The following CCNB3 variants were observed in gnomAD, a reference collection of about 807,000 sequenced individuals.
CCNB3 encodes G2/mitotic-specific cyclin-B3.
Under a neutral mutation model 68.0 loss-of-function variants are expected in CCNB3, and 12 were observed. The observed-to-expected ratio is 0.18, with a 90% confidence interval of 0.11 to 0.29. The LOEUF (loss-of-function observed/expected upper bound fraction) is 0.29, where lower values mean the gene tolerates loss of function less well. CCNB3 is among the 10% of genes least tolerant of loss of function. CCNB3 has a pLI of 1.00. For missense variants in CCNB3, 904 were observed against 993.1 expected (o/e 0.91, Z 1.21); for synonymous variants, 354 against 388.9 (o/e 0.91, Z 1.06).
chrX:50,222,672 C>T (rs1018879129), intron 1 of CCNB3, among the ~76,000 whole-genome samples: 1 of 111,286 alleles, frequency 9.0e-6, no homozygotes, highest in East Asian at 2.8e-4. Context: ...GTGGGTAACC[C>T]GACCTTTCTC....
intron 1 of CCNB3, among the ~76,000 whole-genome samples, chrX:50,217,843 C>T (rs1020257283): frequency 2.7e-5 from 3 of 111,648 alleles, no homozygotes; most frequent in East Asian, 5.6e-4. Flanking sequence ...ATCCTGTTTA[C>T]GATTTGCTTA....
intron 1 of CCNB3, among the ~76,000 whole-genome samples, chrX:50,279,224 A>G (rs1936023362): frequency 3.1e-5 from 2 of 65,390 alleles, no homozygotes; most frequent in African/African-American, 7.0e-5. Flanking sequence ...ATATATTCAT[A>G]TATAAATATA....
chrX:50,280,789 TCA>T (rs1222077460), intron 1 of CCNB3, among the ~76,000 whole-genome samples: 31 of 110,982 alleles, frequency 2.8e-4, no homozygotes, highest in Middle Eastern at 9.3e-3. Flanking sequence ...AGACAGGGTC[TCA>T]GTCTGTCACC....
intron 9 of CCNB3, among the ~76,000 whole-genome samples, chrX:50,343,810 CAA>C (rs1232398917): frequency 2.7e-5 from 3 of 112,259 alleles, no homozygotes; most frequent in Non-Finnish European, 5.6e-5. Flanking sequence ...GCTGTTATTA[CAA>C]AAGAGTCAAA....
At chrX:50,223,480 A>T (rs1052498028) in intron 1 of CCNB3, among the ~76,000 whole-genome samples, 1 of 111,753 alleles carries the variant, frequency 8.9e-6, no homozygotes. Flanking sequence ...TGTTGACACT[A>T]TTCCTTTCTG....
chrX:50,308,956 A>G lies in CCNB3; in HGVS notation c.787A>G (p.Met263Val), dbSNP rs142543110. 6 of 1,211,201 alleles carry G rather than the reference A, an allele frequency of 5.0e-6. No homozygotes were observed. The highest frequency in any genetic ancestry group is 5.6e-6 in the Non-Finnish European group (5 of 895,026). ...DVNMEEDSFF[M>V]ESMSFKKKPK... The stretch of plus-strand genomic sequence containing the variant: ...CAATATGGAAGAGGATTCCTTCTTT[A>G]TGGAGTCAATGAGTTTTAAGAAGAA... Residue 263 changes from methionine (M) to valine (V), a missense_variant, in exon 6 of 13, where the codon ATG (methionine) becomes GTG (valine). Coordinates refer to ENST00000376042, the MANE Select transcript of CCNB3 (RefSeq NM_033031.3).
Position 50,342,217 on chromosome X carries a change from A to G in CCNB3, c.3532A>G (p.Thr1178Ala). Residue 1178 changes from threonine (T) to alanine (A), a missense_variant, in exon 9 of 13, where the codon ACC (threonine) becomes GCC (alanine). Physicochemically the swap from Thr to Ala is moderately conservative, Grantham distance 58. This residue lies in a region of CCNB3 where 285 missense variants were observed against 383.4 expected (regional missense o/e 0.74). Coordinates refer to ENST00000376042, the MANE Select transcript of CCNB3 (RefSeq NM_033031.3). ...GTTCCTCCAGGTGTCCTTTGAGATG[A>G]CCCATGAGACCCTGTACTTGGCAGT... is the stretch of plus-strand genomic sequence containing the variant. Reference protein sequence around the residue: ...LVEVQVSFEMTHETLYLAVKL... With the variant: ...LVEVQVSFEMAHETLYLAVKL... 1.3e-5 allele frequency: 16 copies of G among 1,210,366 alleles called. No homozygotes were observed. Among genetic ancestry groups the G allele is most frequent in the Non-Finnish European group, 1.8e-5 (16 of 894,845 alleles).
chrX:50,335,136 CTT>C (rs782641626), intron 8 of CCNB3, among the ~76,000 whole-genome samples: 85 of 111,830 alleles, frequency 7.6e-4, no homozygotes, highest in Non-Finnish European at 1.1e-3. Flanking sequence ...TAGCAGGAAA[CTT>C]TTGCAGGTCT....
intron 1 of CCNB3, among the ~76,000 whole-genome samples, chrX:50,226,864 A>T (rs1190143040): frequency 0.028 from 2,044 of 71,970 alleles, 195 homozygotes; most frequent in African/African-American, 0.13. Flanking sequence ...ATATATATAG[A>T]ATATATAGAA....
intron 1 of CCNB3, among the ~76,000 whole-genome samples, chrX:50,227,279 TATAA>T (rs1935884224): frequency 1.2e-5 from 1 of 84,329 alleles, no homozygotes; most frequent in African/African-American, 4.5e-5. Flanking sequence ...ACAGAATATA[TATAA>T]ATACATGTAC....
chrX:50,209,653 G>T (rs1935451352), intron 1 of CCNB3, among the ~76,000 whole-genome samples: 1 of 112,203 alleles, frequency 8.9e-6, no homozygotes, highest in African/African-American at 3.2e-5. Flanking sequence ...ACTGCGCCTG[G>T]CCCAATACTA....
chrX:50,205,815 A>C (rs1327990867), intron 1 of CCNB3, among the ~76,000 whole-genome samples: 1 of 107,720 alleles, frequency 9.3e-6, no homozygotes, highest in Non-Finnish European at 1.9e-5. Context: ...TTAGCTGGGC[A>C]TGGTGGCATG....
intron 9 of CCNB3, among the ~76,000 whole-genome samples, chrX:50,343,425 G>A (rs1018708244): frequency 8.9e-5 from 10 of 111,824 alleles, no homozygotes; most frequent in African/African-American, 1.3e-4. Context: ...AAGTAAAGCC[G>A]GGCATGGTAT....
At chrX:50,307,439 A>G (rs992629157) in intron 5 of CCNB3, among the ~76,000 whole-genome samples, 2 of 111,490 alleles carry the variant, frequency 1.8e-5, no homozygotes, top group African/African-American at 6.5e-5. Context: ...TCCAGAATGC[A>G]TGTTCTTACC....
At chrX:50,228,474 T>A (rs993552561) in intron 1 of CCNB3, among the ~76,000 whole-genome samples, 1 of 91,634 alleles carries the variant, frequency 1.1e-5, no homozygotes, top group East Asian at 3.2e-4. Flanking sequence ...GATATATCTA[T>A]ATAGAATATG....
In CCNB3 at chrX:50,310,500, C is replaced by A. The variant is rs555037561; in HGVS notation, c.2331C>A (p.Phe777Leu). The stretch of plus-strand genomic sequence containing the variant: ...ATGAGACCATCAATGAAGAGGAGTT[C>A]CTTAATAAGCAGCCACTGGCCTTGG... ...ALNETINEEE[F>L]LNKQPLALEG... is the part of the protein sequence containing the mutation. Residue 777 changes from phenylalanine to leucine, a missense_variant, in exon 6 of 13, where the codon TTC becomes TTA. Coordinates refer to ENST00000376042, the MANE Select transcript of CCNB3 (RefSeq NM_033031.3). 33 of 1,208,371 alleles carry A rather than the reference C, an allele frequency of 2.7e-5. No homozygotes were observed. Among genetic ancestry groups the A allele is most frequent in the Non-Finnish European group, 3.6e-5 (32 of 894,199 alleles).
intron 8 of CCNB3, among the ~76,000 whole-genome samples, chrX:50,330,568 G>A (rs1410131331): frequency 8.9e-6 from 1 of 112,101 alleles, no homozygotes; most frequent in East Asian, 2.8e-4. Context: ...GAACACTTGT[G>A]CTGAAGCATT....
chrX:50,339,896 AAC>A (rs1557219311), intron 8 of CCNB3, among the ~76,000 whole-genome samples: 1 of 111,030 alleles, frequency 9.0e-6, no homozygotes, highest in East Asian at 2.9e-4. Flanking sequence ...CCATGACCCA[AAC>A]ACACCTCACC....
intron 1 of CCNB3, among the ~76,000 whole-genome samples, chrX:50,279,647 C>G (rs1156628119): frequency 2.3e-5 from 2 of 88,505 alleles, no homozygotes; most frequent in Non-Finnish European, 4.3e-5. Flanking sequence ...TGAATATGTA[C>G]ATTCATCTAT....
Sources: allele counts gnomAD v4.1 joint callset (sites outside exome capture counted in the v4.1 genomes callset), GRCh38; gene constraint gnomAD v4.1.1; regional missense constraint gnomAD v4.1.1; transcripts MANE v1.5; gene names NCBI Gene and HGNC (gene_info 2026-07-23, HGNC 2026-07-21).